Variants in TTYH3 observed in about 807,000 individuals in gnomAD.
TTYH3 encodes the protein protein tweety homolog 3.
In TTYH3, 23 loss-of-function variants were observed where a neutral mutation model predicts 68.2. That is an observed-to-expected ratio of 0.34 (90% CI 0.24 to 0.48). The LOEUF is 0.48. TTYH3 is among the 20% of genes least tolerant of loss of function. The pLI, the probability that TTYH3 is intolerant of heterozygous loss-of-function variation, is 0.99. For missense variants in TTYH3, 768 were observed against 727.7 expected (o/e 1.06, Z -0.64); for synonymous variants, 360 against 332.8 (o/e 1.08, Z -0.89).
intron 13 of TTYH3, 113 bp downstream of exon 13, chr7:2,659,128 A>G (rs890779604): frequency 2.0e-6 from 2 of 980,690 alleles, no homozygotes. Flanking sequence ...CTCTGGGGGC[A>G]GCTGTGAGCT....
chr7:2,658,751 G>T (rs1173595275), intron 12 of TTYH3, among the ~76,000 whole-genome samples, 189 bp from the exon 13 acceptor site: 1 of 152,206 alleles, frequency 6.6e-6, no homozygotes, highest in African/African-American at 2.4e-5. Flanking sequence ...CTCTGGCTGG[G>T]CCAAGGTGGG....
chr7:2,662,087 C>T lies in TTYH3; in HGVS notation c.*348C>T, dbSNP rs2115002191. The T allele has an allele frequency of 2.0e-6, 1 of 488,612 alleles. No homozygotes were observed. The highest frequency in any genetic ancestry group is 2.1e-5 in the South Asian group (1 of 46,522). The allele number at this position is 488,612 out of a possible 1,614,324, so 30.3% of individuals were successfully genotyped here. A position where few individuals can be genotyped will look rare whatever the true frequency, so the allele number is the denominator to read the frequency against. On this transcript the variant is annotated 3_prime_UTR_variant, in exon 14 of 14. Coordinates refer to ENST00000258796, the MANE Select transcript of TTYH3 (RefSeq NM_025250.3). ...GTTGTTGCCGCCCGGCCCTTCCCTC[C>T]ACAGCTCTCCTTCCTCCCGCCCGGC...
At chr7:2,656,818 C>T (rs1309382714) in intron 11 of TTYH3, among the ~76,000 whole-genome samples, 2 of 152,248 alleles carry the variant, frequency 1.3e-5, no homozygotes, top group Non-Finnish European at 2.9e-5. Flanking sequence ...CTTGCCTCCC[C>T]AGACTGGCTC....
At chr7:2,641,987 T>C (rs568572723) in intron 1 of TTYH3, among the ~76,000 whole-genome samples, 7 of 152,308 alleles carry the variant, frequency 4.6e-5, no homozygotes, top group Non-Finnish European at 1.0e-4. Flanking sequence ...CCTTCCTCAG[T>C]TGGGGGAAGC....
At chr7:2,633,921 G>C (rs1785590436) in intron 1 of TTYH3, among the ~76,000 whole-genome samples, 1 of 152,184 alleles carries the variant, frequency 6.6e-6, no homozygotes, top group African/African-American at 2.4e-5. Context: ...GATGATGTCT[G>C]CAGCCCACAA....
At chr7:2,646,004 G>A (rs1045917238) in intron 1 of TTYH3, 6 of 339,918 alleles carry the variant, frequency 1.8e-5, no homozygotes, top group African/African-American at 9.0e-5. Context: ...TCGCTTCTTC[G>A]GGGGAGCAGC....
chr7:2,645,337 A>T lies in TTYH3; in HGVS notation c.124-1516A>T, dbSNP rs1785952185. ...TCTATGAAGCCCAGTTTCCCTGTGG[A>T]TGAAATGGGGTGAGAGCACTCGGCC... On this transcript the variant is annotated intron_variant, in intron 1 of 13. Transcript: ENST00000258796. This position sits in a 1 kb window ranked among gnomAD's most constrained non-coding sequence, Gnocchi z 4.8. 6.6e-6 allele frequency among the ~76,000 whole-genome samples: 1 copy of T among 152,096 alleles called. No homozygotes were observed. The highest frequency in any genetic ancestry group is 6.5e-5 in the Admixed American group (1 of 15,284).
chr7:2,652,232 C>T lies in TTYH3; in HGVS notation c.917C>T (p.Pro306Leu), dbSNP rs775388396. 6.2e-7 allele frequency: 1 copy of T among 1,612,540 alleles called. No homozygotes were observed. The highest frequency in any genetic ancestry group is 1.3e-5 in the African/African-American group (1 of 74,940). Residue 306 changes from proline (P) to leucine (L), a missense_variant, in exon 8 of 14, where the codon CCC becomes CTC. Pro to Leu is a moderately conservative substitution (Grantham distance 98). Coordinates refer to ENST00000258796, the MANE Select transcript of TTYH3 (RefSeq NM_025250.3). The stretch of plus-strand genomic sequence containing the variant: ...GCCTGCTCGCCCCGCGCCGCCAACC[C>T]CTTCCAGCAGGTGAGAGCCTGGGAG... ...YLACSPRAAN[P>L]FQQKLSGSHK...
intron 1 of TTYH3, among the ~76,000 whole-genome samples, chr7:2,643,280 G>A (rs866483140): frequency 1.8e-4 from 28 of 151,496 alleles, no homozygotes; most frequent in Admixed American, 8.5e-4. Flanking sequence ...GCGTGAACCC[G>A]GGAGGCGGAG....
At chr7:2,657,035 A>G (rs986344704) in intron 11 of TTYH3, among the ~76,000 whole-genome samples, 2 of 152,264 alleles carry the variant, frequency 1.3e-5, no homozygotes, top group African/African-American at 4.8e-5. Context: ...CCCTGGAGCC[A>G]CTATGTCCTT....
chr7:2,653,047 G>A (rs561980013), intron 9 of TTYH3, 37 bp downstream of exon 9: 2 of 1,528,510 alleles, frequency 1.3e-6, no homozygotes, highest in Non-Finnish European at 1.8e-6. Flanking sequence ...GGCAGGCAGG[G>A]CTCCTCTTTT....
intron 11 of TTYH3, among the ~76,000 whole-genome samples, chr7:2,657,874 G>T (rs751080882): frequency 9.9e-5 from 15 of 152,232 alleles, no homozygotes; most frequent in Admixed American, 6.5e-5. Context: ...CCAGAGGGCA[G>T]CAGGGCTAGG....
chr7:2,640,515 G>A (rs2114976814), intron 1 of TTYH3, among the ~76,000 whole-genome samples: 1 of 152,328 alleles, frequency 6.6e-6, no homozygotes. Context: ...TGCTCCGGGA[G>A]CCACCAGGAT....
At chr7:2,654,351 C>T (rs897615189) in intron 9 of TTYH3, among the ~76,000 whole-genome samples, 1 of 152,056 alleles carries the variant, frequency 6.6e-6, no homozygotes, top group Non-Finnish European at 1.5e-5. Context: ...GCTGTGATGG[C>T]ACCAGTTCAC....
intron 13 of TTYH3, chr7:2,660,232 C>T (rs1786458532): frequency 1.0e-6 from 1 of 985,450 alleles, no homozygotes; most frequent in African/African-American, 1.7e-5. Context: ...CCGCCAGCCT[C>T]ACAGTGGGGT....
At chr7:2,655,991 TG>T in intron 9 of TTYH3, 100 bp from the exon 10 acceptor site, 1 of 919,310 alleles carries the variant, frequency 1.1e-6, no homozygotes, top group Non-Finnish European at 1.6e-6. Flanking sequence ...TCGAAGATTA[TG>T]GGCTGGAGGG....
intron 1 of TTYH3, among the ~76,000 whole-genome samples, chr7:2,634,031 C>T (rs944131075): frequency 6.6e-6 from 1 of 152,268 alleles, no homozygotes; most frequent in African/African-American, 2.4e-5. Flanking sequence ...TGCCCCCTTT[C>T]CTCCCCTGCC....
intron 1 of TTYH3, among the ~76,000 whole-genome samples, chr7:2,641,897 C>A (rs1345934337): frequency 6.6e-6 from 1 of 152,362 alleles, no homozygotes; most frequent in South Asian, 2.1e-4. Context: ...AGCACCCTGA[C>A]ACCCAGGCTC....
chr7:2,660,499 T>C (rs1247002714), intron 13 of TTYH3: 1 of 985,260 alleles, frequency 1.0e-6, no homozygotes, highest in Non-Finnish European at 1.2e-6. Context: ...CCCACGGTGG[T>C]GCGGGTGCCT....
Sources: allele counts gnomAD v4.1 joint callset (sites outside exome capture counted in the v4.1 genomes callset), GRCh38; gene constraint gnomAD v4.1.1; non-coding constraint Gnocchi (gnomAD v3.1); transcripts MANE v1.5; gene names NCBI Gene and HGNC (gene_info 2026-07-23, HGNC 2026-07-21).